ABCA13: variants seen among roughly 807,000 people sequenced by gnomAD.
ABCA13 encodes ATP binding cassette subfamily A member 13, also known as ATP-binding cassette sub-family A member 13.
In ABCA13, 476 loss-of-function variants were observed where a neutral mutation model predicts 478.7. That is an observed-to-expected ratio of 0.99 (90% CI 0.92 to 1.07). ABCA13 has a LOEUF of 1.07. Ranked by LOEUF, ABCA13 falls within the 50% of genes least tolerant of loss-of-function variation. ABCA13 has a pLI of 0.00. For missense variants in ABCA13, 6,060 were observed against 5,910.6 expected, an observed-to-expected ratio of 1.03 and a Z score of -0.83; for synonymous variants, 2,252 against 2,158.9, an observed-to-expected ratio of 1.04 and a Z score of -1.20.
intron 6 of ABCA13, among the ~76,000 whole-genome samples, chr7:48,229,499 C>G (rs1395828989): frequency 6.6e-6 from 1 of 152,208 alleles, no homozygotes; most frequent in African/African-American, 2.4e-5. Flanking sequence ...ATCAGCTGCC[C>G]TGCGGCAGGA....
rs189969712 is a variant in ABCA13, at chr7:48,272,835, G to T, written c.3169G>T (p.Val1057Leu). The T allele has an allele frequency of 2.8e-4, 448 of 1,607,286 alleles. 10 individuals carry two copies. In the East Asian group the frequency reaches 7.0e-3, roughly 25 times the overall value. ...FMSTEGQELE[V>L]IHTTLTGLKQ... ...GTCTACAGAGGGCCAAGAACTGGAA[G>T]TGATCCACACTACTTTGACAGGCCT... Residue 1057 changes from valine (V) to leucine (L), a missense_variant, in exon 17 of 62, where the codon GTG becomes TTG. By Grantham distance (32) the Val-to-Leu change is conservative (BLOSUM62 1). Transcript: ENST00000435803.
intron 3 of ABCA13, among the ~76,000 whole-genome samples, chr7:48,217,855 T>C: frequency 6.6e-6 from 1 of 152,080 alleles, no homozygotes; most frequent in East Asian, 1.9e-4. Context: ...TTTATCCCCT[T>C]CCCTTTGCAA....
Position 48,419,166 on chromosome 7 carries a change from T to C in ABCA13, c.12459+6583T>C, listed in dbSNP as rs553155795. Among the ~76,000 whole-genome samples, 6 of 152,304 alleles carry C rather than the reference T, an allele frequency of 3.9e-5. No homozygotes were observed. The East Asian group carries it at 1.2e-3, about 29-fold the overall frequency. On this transcript the variant is annotated intron_variant, in intron 41 of 61. Coordinates refer to ENST00000435803, the MANE Select transcript of ABCA13 (RefSeq NM_152701.5). Reference sequence around the variant, plus strand: ...ATTCATGAAAACTCCACCCCCATGATCCAGTCACCTCCCACCAGGCCCTAC... The same window carrying C: ...ATTCATGAAAACTCCACCCCCATGACCCAGTCACCTCCCACCAGGCCCTAC...
chr7:48,325,121 A>C (rs1208496854), intron 27 of ABCA13, among the ~76,000 whole-genome samples: 1 of 152,124 alleles, frequency 6.6e-6, no homozygotes, highest in Non-Finnish European at 1.5e-5. Flanking sequence ...ATGCCTATCC[A>C]TGGGAAGCCT....
chr7:48,413,311 G>A (rs1819528931), intron 41 of ABCA13, among the ~76,000 whole-genome samples: 1 of 152,220 alleles, frequency 6.6e-6, no homozygotes, highest in Non-Finnish European at 1.5e-5. Context: ...GAACACTGCA[G>A]ACGCCTGGTG....
intron 2 of ABCA13, among the ~76,000 whole-genome samples, chr7:48,194,818 T>C (rs539444053): frequency 6.6e-6 from 1 of 151,672 alleles, no homozygotes; most frequent in African/African-American, 2.4e-5. Context: ...TAAAATATCA[T>C]TTAAGAAAAC....
intron 59 of ABCA13, among the ~76,000 whole-genome samples, chr7:48,632,760 G>A (rs959723358): frequency 6.6e-6 from 1 of 152,174 alleles, no homozygotes; most frequent in East Asian, 1.9e-4. Flanking sequence ...ATGTTGAAAA[G>A]ACTATTCAGA....
chr7:48,427,911 CAAT>C lies in ABCA13; in HGVS notation c.12565+41_12565+43del, dbSNP rs1046792076. 3 of 1,322,310 alleles carry C rather than the reference CAAT, an allele frequency of 2.3e-6. No individual in the cohort carries two copies. In the African/African-American group the frequency reaches 4.4e-5, roughly 20 times the overall value. 81.9% of individuals were successfully genotyped at this position (1,322,310 alleles called of 1,614,324 possible). ...GCTTCCTGCATTTCTGCTGGAGGAACAATGACACCAGCCTTATTCAACATCCCT... is the reference window on the plus strand; with the variant it reads ...GCTTCCTGCATTTCTGCTGGAGGAACGACACCAGCCTTATTCAACATCCCT... On this transcript the variant is annotated intron_variant, in intron 42 of 61. Coordinates refer to ENST00000435803, the MANE Select transcript of ABCA13 (RefSeq NM_152701.5).
chr7:48,350,953 A>G, intron 30 of ABCA13, 134 bp downstream of exon 30: 1 of 968,598 alleles, frequency 1.0e-6, no homozygotes, highest in Non-Finnish European at 1.5e-6. Flanking sequence ...AACATAAAAT[A>G]AAGCAGAACT....
rs751801599 is a variant in ABCA13 at position 48,295,723 on chromosome 7, G to C, written c.8979G>C (p.Ser2993=). 1.2e-5 allele frequency: 19 copies of C among 1,613,992 alleles called. No homozygotes were observed. The highest frequency in any genetic ancestry group is 1.6e-5 in the Non-Finnish European group (19 of 1,179,890). The change falls in exon 21 of 62, where the codon TCG becomes TCC. Residue 2993 remains serine (S), a synonymous_variant. Transcript: ENST00000435803. ...AGGAAATTGAAAAGATATGGTCCTC[G>C]CCGAATCAGCTAAATTGTGAAAGTC... ...HFQEIEKIWS[S]PNQLNCESLS...
At chr7:48,222,552 C>G (rs548083715) in intron 5 of ABCA13, among the ~76,000 whole-genome samples, 5 of 151,978 alleles carry the variant, frequency 3.3e-5, no homozygotes, top group Non-Finnish European at 5.9e-5. Context: ...ATAAGTTGAC[C>G]TTGATGGCCT....
intron 31 of ABCA13, among the ~76,000 whole-genome samples, chr7:48,364,809 T>C (rs544817323): frequency 5.8e-4 from 89 of 152,320 alleles, no homozygotes; most frequent in African/African-American, 2.0e-3. Context: ...TTTTCATCCA[T>C]TGATGAACAC....
rs377099527 is a variant in ABCA13, at chr7:48,313,184, C to G, written c.9634C>G (p.His3212Asp). ...CTTTGAGTATCTTCCTGAGTTTCTT[C>G]ACACATTTAAAATCACTGCCTTGCT... ...HVFEYLPEFL[H>D]TFKITALLET... Residue 3212 changes from histidine (H) to aspartate (D), a missense_variant, in exon 25 of 62, where the codon CAC (histidine) becomes GAC (aspartate). Around this residue, in one of 3 missense-constraint regions of ABCA13, gnomAD observed 4,423 missense variants for 4,309.1 expected, o/e 1.03. Coordinates refer to ENST00000435803, the MANE Select transcript of ABCA13 (RefSeq NM_152701.5). 6.2e-7 allele frequency: 1 copy of G among 1,612,730 alleles called. No homozygotes were observed. The highest frequency in any genetic ancestry group is 1.3e-5 in the African/African-American group (1 of 75,040).
At chr7:48,641,766 G>A (rs1374995250) in intron 59 of ABCA13, among the ~76,000 whole-genome samples, 1 of 152,096 alleles carries the variant, frequency 6.6e-6, no homozygotes, top group African/African-American at 2.4e-5. Flanking sequence ...CCAGTGACAT[G>A]GTGCTTCACC....
chr7:48,298,204 G>A (rs2128841698), intron 22 of ABCA13, among the ~76,000 whole-genome samples, 162 bp from the exon 23 acceptor site: 1 of 152,300 alleles, frequency 6.6e-6, no homozygotes, highest in African/African-American at 2.4e-5. Context: ...AATTATTTAA[G>A]TTATTCCCAG....
chr7:48,308,006 C>A (rs559079772), intron 23 of ABCA13, among the ~76,000 whole-genome samples: 1 of 152,306 alleles, frequency 6.6e-6, no homozygotes, highest in South Asian at 2.1e-4. Context: ...TTTTAAAAAA[C>A]TTTTGGACTC....
intron 45 of ABCA13, among the ~76,000 whole-genome samples, chr7:48,478,310 T>TATATATATATATATAA (rs1554531471): frequency 2.7e-4 from 40 of 146,312 alleles, no homozygotes; most frequent in Admixed American, 1.1e-3. Context: ...TATATATATA[T>TATATATATATATATAA]AATCACACAC....
intron 38 of ABCA13, among the ~76,000 whole-genome samples, chr7:48,396,245 G>T (rs1408183248): frequency 6.6e-6 from 1 of 152,262 alleles, no homozygotes; most frequent in East Asian, 1.9e-4. Flanking sequence ...GGCCAGGGCA[G>T]GAAAGAAGCC....
intron 2 of ABCA13, among the ~76,000 whole-genome samples, chr7:48,194,022 A>AGAT (rs373222672): frequency 1 from 28,610 of 28,624 alleles, 14,299 homozygotes; most frequent in Middle Eastern, 1. Context: ...ATGATGATGG[A>AGAT]GATAACAGCA....
Sources: allele counts gnomAD v4.1 joint callset (sites outside exome capture counted in the v4.1 genomes callset), GRCh38; gene constraint gnomAD v4.1.1; regional missense constraint gnomAD v4.1.1; transcripts MANE v1.5; gene names NCBI Gene and HGNC (gene_info 2026-07-23, HGNC 2026-07-21).